Variants in DEAF1 observed in about 807,000 individuals in gnomAD.
DEAF1 encodes DEAF1 transcription factor.
DEAF1 carries 53 observed loss-of-function variants against 58.9 expected under a neutral mutation model. The observed-to-expected ratio is 0.90, with a 90% confidence interval of 0.72 to 1.13. The LOEUF (loss-of-function observed/expected upper bound fraction) is 1.13, where lower values mean the gene tolerates loss of function less well. Ranked by LOEUF, DEAF1 falls within the 50% of genes most tolerant of loss-of-function variation. The pLI is 0.00. For missense variants in DEAF1, 685 were observed against 791.4 expected, an observed-to-expected ratio of 0.87 and a Z score of 1.61; for synonymous variants, 385 against 340.4, an observed-to-expected ratio of 1.13 and a Z score of -1.44.
At position 695,106 on chromosome 11, in the gene DEAF1, C is replaced by G. The variant is rs1861063312; in HGVS notation, c.-59G>C. On this transcript the variant is annotated 5_prime_UTR_variant, in exon 1 of 12. Transcript: ENST00000382409. The stretch of plus-strand genomic sequence containing the variant: ...CCGGGACCGCCCGAAGCGCCGGTCG[C>G]GGAGCCCGAAGCGGGGCCCGAAGAG... 7.2e-7 allele frequency: 1 copy of G among 1,385,042 alleles called. No individual in the cohort carries two copies. The highest frequency in any genetic ancestry group is 1.5e-5 in the African/African-American group (1 of 64,696). 85.8% of individuals were successfully genotyped at this position (1,385,042 alleles called of 1,614,324 possible). A position where few individuals can be genotyped will look rare whatever the true frequency, so the allele number is the denominator to read the frequency against.
intron 1 of DEAF1, chr11:692,464 G>A (rs1170106648): frequency 1.3e-5 from 2 of 153,638 alleles, no homozygotes; most frequent in Non-Finnish European, 2.9e-5. Flanking sequence ...CCTGTGTCCA[G>A]GGCAATCTCT....
intron 2 of DEAF1, among the ~76,000 whole-genome samples, chr11:689,301 G>A (rs1458240420): frequency 6.8e-6 from 1 of 147,824 alleles, no homozygotes; most frequent in African/African-American, 2.5e-5. Context: ...CGCCTCCCGG[G>A]TTCACGCTAT....
rs11246263 is a variant in DEAF1 at position 683,975 on chromosome 11, C to T, written c.870+923G>A. On this transcript the variant is annotated intron_variant, in intron 6 of 11. Transcript: ENST00000382409. ...CCTGCAGCGTCTCTAAGAGTCTCAC[C>T]GACTGGCTTTTCCCAATCAACTTCA... Among the ~76,000 whole-genome samples, 1,388 of 152,310 alleles carry T rather than the reference C, an allele frequency of 9.1e-3. 18 individuals carry two copies. Among genetic ancestry groups the T allele is most frequent in the African/African-American group, 0.029 (1,212 of 41,554 alleles).
intron 6 of DEAF1, among the ~76,000 whole-genome samples, chr11:681,448 T>C (rs1860366240): frequency 6.7e-6 from 1 of 149,580 alleles, no homozygotes; most frequent in Admixed American, 6.7e-5. Context: ...TCTCGCTCTG[T>C]TGCCCAGGCT....
In DEAF1 at chr11:700,342, C is replaced by T; in HGVS notation, c.-438+6230G>A. ...AGGAGTTTGAGACCAGCCAGGCCAACATGGGGAAACCCCATCTCTACTAAA... is the reference window on the plus strand; with the variant it reads ...AGGAGTTTGAGACCAGCCAGGCCAATATGGGGAAACCCCATCTCTACTAAA... On this transcript the variant is annotated intron_variant, in intron 1 of 11. Coordinates refer to the DEAF1 transcript ENST00000683307. The T allele has an allele frequency of 2.9e-6, 3 of 1,031,282 alleles. No individual in the cohort carries two copies. The South Asian group carries it at 4.2e-5, about 14-fold the overall frequency. The allele number at this position is 1,031,282 out of a possible 1,614,324, so 63.9% of individuals were successfully genotyped here.
rs980328230 is a variant in DEAF1, at chr11:688,871, G to A, written c.388-411C>T. Among the ~76,000 whole-genome samples the A allele has an allele frequency of 1.5e-4, 23 of 152,152 alleles. No individual in the cohort carries two copies. Among genetic ancestry groups the A allele is most frequent in the African/African-American group, 5.6e-4 (23 of 41,428 alleles). On this transcript the variant is annotated intron_variant, in intron 2 of 11. Transcript: ENST00000382409. This position sits in a 1 kb window ranked among gnomAD's most constrained non-coding sequence, Gnocchi z 4.3. ...CCAGACCTCCTTACAGATGGCAACT[G>A]GAGACCAGGGCCTCAAAACCACATT...
upstream of DEAF1, chr11:698,829 G>A (rs1246189359): frequency 1.2e-6 from 2 of 1,613,692 alleles, no homozygotes; most frequent in East Asian, 4.5e-5. Flanking sequence ...AAGCATCCTG[G>A]TGGCTGTCAG....
intron 10 of DEAF1, among the ~76,000 whole-genome samples, chr11:669,941 A>G (rs1164843373): frequency 6.6e-6 from 1 of 151,254 alleles, no homozygotes; most frequent in East Asian, 1.9e-4. Flanking sequence ...AAAAAAAAAA[A>G]AAAAAAAAAA....
intron 1 of DEAF1, among the ~76,000 whole-genome samples, chr11:701,504 G>A (rs1465591553): frequency 2.0e-5 from 3 of 147,990 alleles, no homozygotes; most frequent in Non-Finnish European, 3.0e-5. Flanking sequence ...TCCGCCTCCC[G>A]GGTTCACGCC....
chr11:681,701 C>A (rs951513057), intron 6 of DEAF1, among the ~76,000 whole-genome samples: 2 of 151,968 alleles, frequency 1.3e-5, no homozygotes, highest in Admixed American at 1.3e-4. Context: ...TGAGCCACCA[C>A]GCCCGGCCGA....
intron 1 of DEAF1, chr11:704,315 G>A (rs1861627774): frequency 4.0e-6 from 3 of 746,836 alleles, no homozygotes; most frequent in Non-Finnish European, 3.9e-6. Flanking sequence ...GCCTCCACTG[G>A]GGCTCCCTCG....
intron 10 of DEAF1, among the ~76,000 whole-genome samples, chr11:665,600 T>C (rs909576651): frequency 6.6e-6 from 1 of 152,200 alleles, no homozygotes; most frequent in Non-Finnish European, 1.5e-5. Flanking sequence ...ATTTCTCTCA[T>C]AGAAATACAT....
chr11:678,432 G>T, intron 9 of DEAF1: 1 of 427,078 alleles, frequency 2.3e-6, no homozygotes, highest in Non-Finnish European at 4.4e-6. Flanking sequence ...GGCTTCACAG[G>T]CCAACTGGTT....
chr11:654,163 CCCTT>C lies in DEAF1; in HGVS notation c.1504-116_1504-113del. On this transcript the variant is annotated intron_variant, in intron 10 of 11. Coordinates refer to ENST00000382409, the MANE Select transcript of DEAF1 (RefSeq NM_021008.4). ...GGCCCCAAGTTCCCCCCATTGGACC[CCCTT>C]TTTTTTTTTTTTTTTTTTTGAGATG... The C allele has an allele frequency of 2.5e-5, 13 of 515,572 alleles. No homozygotes were observed. In the African/African-American group the frequency reaches 8.0e-4, roughly 32 times the overall value. The allele number at this position is 515,572 out of a possible 1,614,324, so 31.9% of individuals were successfully genotyped here.
chr11:670,675 A>G (rs1317854045), intron 10 of DEAF1, among the ~76,000 whole-genome samples: 1 of 151,650 alleles, frequency 6.6e-6, no homozygotes, highest in Non-Finnish European at 1.5e-5. Flanking sequence ...AGATCACACC[A>G]CTGCACTCTA....
Position 691,439 on chromosome 11 carries a change from G to A in DEAF1, c.387+62C>T, listed in dbSNP as rs543674601. The stretch of plus-strand genomic sequence containing the variant: ...GGCTGAACCCCGGGAGAGCCTCGGG[G>A]AAGCCGGAGGCCCCCAGCGTGGCAC... On this transcript the variant is annotated intron_variant, in intron 2 of 11. Coordinates refer to ENST00000382409, the MANE Select transcript of DEAF1 (RefSeq NM_021008.4). 15 of 1,505,796 alleles carry A rather than the reference G, an allele frequency of 1.0e-5. No individual in the cohort carries two copies. The East Asian group carries it at 2.7e-4, about 27-fold the overall frequency. The allele number at this position is 1,505,796 out of a possible 1,614,324, so 93.3% of individuals were successfully genotyped here. A position where few individuals can be genotyped will look rare whatever the true frequency, so the allele number is the denominator to read the frequency against.
At chr11:700,122 G>A (rs1270271383), upstream of DEAF1, 1 of 1,610,650 alleles carries the variant, frequency 6.2e-7, no homozygotes, top group Non-Finnish European at 8.5e-7. Flanking sequence ...TGAGCTTGAG[G>A]ATCCTTAACC....
intron 10 of DEAF1, among the ~76,000 whole-genome samples, chr11:662,637 AC>A (rs1334048348): frequency 6.6e-6 from 1 of 151,908 alleles, no homozygotes; most frequent in East Asian, 1.9e-4. Flanking sequence ...TCTGAGCCTC[AC>A]CCCCGAGCCC....
At chr11:704,076 A>G in intron 1 of DEAF1, 4 of 1,129,300 alleles carry the variant, frequency 3.5e-6, no homozygotes, top group Non-Finnish European at 4.4e-6. Flanking sequence ...AAATATCTAG[A>G]TATTTTCTCT....
Sources: gnomAD v4.1 joint callset for allele counts (sites outside exome capture counted in the v4.1 genomes callset) on GRCh38, gnomAD v4.1.1 for gene constraint, Gnocchi (gnomAD v3.1) non-coding constraint, MANE v1.5 for transcripts, NCBI Gene and HGNC (gene_info 2026-07-23, HGNC 2026-07-21) for gene names.